Variants in EPB41 observed in about 807,000 individuals in gnomAD.
EPB41 encodes the protein protein 4.1.
In EPB41, 65 loss-of-function variants were observed where a neutral mutation model predicts 108.0. The ratio of observed to expected loss-of-function variants is 0.60; its 90% CI spans 0.49 to 0.74. The LOEUF (loss-of-function observed/expected upper bound fraction) is 0.74, where lower values mean the gene tolerates loss of function less well. Among genes scored for constraint, EPB41 ranks in the 30% least tolerant of loss-of-function variants. EPB41 has a pLI of 0.00. For synonymous variants in EPB41, 336 were observed against 358.9 expected (o/e 0.94, Z 0.72); for missense variants, 875 against 1,037.0 (o/e 0.84, Z 2.15).
At chr1:28,997,796 G>A (rs1486540503) in intron 4 of EPB41, among the ~76,000 whole-genome samples, 1 of 151,984 alleles carries the variant, frequency 6.6e-6, no homozygotes, top group African/African-American at 2.4e-5. Flanking sequence ...TATTGAAACG[G>A]TCATAACGAT....
upstream of EPB41, chr1:28,887,169 G>A (rs1355948043): frequency 8.5e-7 from 1 of 1,172,852 alleles, no homozygotes; most frequent in Non-Finnish European, 1.1e-6. This position sits in a 1 kb window ranked among gnomAD's most constrained non-coding sequence, Gnocchi z 4.9. Flanking sequence ...GCGGCGCGGA[G>A]CCAGAACGCG....
At chr1:28,930,889 A>G (rs1416443734) in intron 1 of EPB41, among the ~76,000 whole-genome samples, 1 of 152,210 alleles carries the variant, frequency 6.6e-6, no homozygotes, top group Non-Finnish European at 1.5e-5. Flanking sequence ...CTTGTGATAA[A>G]TAATACCCAA....
At chr1:28,919,231 A>G (rs149903015) in intron 1 of EPB41, among the ~76,000 whole-genome samples, 25 of 152,336 alleles carry the variant, frequency 1.6e-4, no homozygotes, top group Admixed American at 1.4e-3. Flanking sequence ...ATTGAATTGT[A>G]TCCACTTAAA....
chr1:29,030,603 T>C (rs2096776141), intron 8 of EPB41, 116 bp downstream of exon 8: 1 of 831,480 alleles, frequency 1.2e-6, no homozygotes, highest in East Asian at 2.5e-5. Flanking sequence ...ATCTGGGGTA[T>C]TTTAAAACAT....
At chr1:29,055,332 A>G (rs929108655) in intron 12 of EPB41, among the ~76,000 whole-genome samples, 1 of 152,170 alleles carries the variant, frequency 6.6e-6, no homozygotes, top group Admixed American at 6.5e-5. Flanking sequence ...TGTCAGGGGA[A>G]TCTTCCTAGT....
chr1:28,932,503 T>C (rs1247088517), intron 1 of EPB41, among the ~76,000 whole-genome samples: 1 of 150,722 alleles, frequency 6.6e-6, no homozygotes, highest in Non-Finnish European at 1.5e-5. Flanking sequence ...TCCTACCTCC[T>C]TTAAAAAAAA....
At chr1:28,916,185 G>A (rs1276211891) in intron 1 of EPB41, among the ~76,000 whole-genome samples, 1 of 152,126 alleles carries the variant, frequency 6.6e-6, no homozygotes, top group Non-Finnish European at 1.5e-5. Flanking sequence ...TCAATAAATG[G>A]CAGATTCAAA....
intron 1 of EPB41, among the ~76,000 whole-genome samples, chr1:28,924,121 T>C (rs149407451): frequency 4.6e-5 from 7 of 152,378 alleles, no homozygotes; most frequent in Non-Finnish European, 1.0e-4. Flanking sequence ...AAACGAGGTC[T>C]GTCAGTAAAC....
chr1:29,087,568 G>T (rs186369664), intron 16 of EPB41, among the ~76,000 whole-genome samples: 4 of 151,150 alleles, frequency 2.6e-5, no homozygotes, highest in African/African-American at 7.3e-5. Context: ...CTCCATGTTG[G>T]TCAGGCTGGT....
chr1:28,948,864 G>A (rs896449917), intron 1 of EPB41, among the ~76,000 whole-genome samples: 2 of 152,070 alleles, frequency 1.3e-5, no homozygotes, highest in African/African-American at 4.8e-5. Context: ...CAGAAGAATC[G>A]CTTGAACCCA....
At position 29,099,989 on chromosome 1, in the gene EPB41, A is replaced by G. The variant is rs1664693134; in HGVS notation, c.2313+2054A>G. Among the ~76,000 whole-genome samples the G allele has an allele frequency of 3.3e-5, 5 of 152,348 alleles. No homozygotes were observed. The South Asian group carries it at 1.0e-3, about 32-fold the overall frequency. On this transcript the variant is annotated intron_variant, in intron 17 of 20. Coordinates refer to ENST00000343067, the MANE Select transcript of EPB41 (RefSeq NM_001376013.1). ...CATGAAAGATTGCTGCTTTGAGACT[A>G]GGATAATCAGGGAATTCCTCTCTGA... is the stretch of plus-strand genomic sequence containing the variant.
intron 14 of EPB41, 98 bp downstream of exon 14, chr1:29,058,950 T>A: frequency 8.8e-7 from 1 of 1,136,048 alleles, no homozygotes; most frequent in Non-Finnish European, 1.3e-6. Flanking sequence ...TTCATTGATT[T>A]CTTTTAATCA....
At chr1:29,074,789 G>A (rs1372276475) in intron 16 of EPB41, among the ~76,000 whole-genome samples, 4 of 152,324 alleles carry the variant, frequency 2.6e-5, no homozygotes, top group African/African-American at 9.6e-5. Flanking sequence ...CAGGCTAAAA[G>A]CCAAATAACT....
intron 7 of EPB41, among the ~76,000 whole-genome samples, chr1:29,027,040 C>T (rs2096727596): frequency 6.7e-6 from 1 of 149,594 alleles, no homozygotes; most frequent in Non-Finnish European, 1.5e-5. Context: ...TGCAGTTAGC[C>T]GAGATCATAC....
At chr1:29,010,296 A>C (rs978875327) in intron 4 of EPB41, among the ~76,000 whole-genome samples, 2 of 152,194 alleles carry the variant, frequency 1.3e-5, no homozygotes, top group South Asian at 4.1e-4. Flanking sequence ...CCAAGATTGC[A>C]TCACTAAACT....
intron 1 of EPB41, among the ~76,000 whole-genome samples, chr1:28,891,218 C>T (rs1015624906): frequency 2.0e-5 from 3 of 152,218 alleles, no homozygotes; most frequent in African/African-American, 7.2e-5. Flanking sequence ...TCCTTGACCC[C>T]TGGGTTAGTG....
chr1:29,032,092 T>C (rs1478424637), intron 8 of EPB41, among the ~76,000 whole-genome samples: 6 of 141,926 alleles, frequency 4.2e-5, no homozygotes, highest in African/African-American at 1.4e-4. Flanking sequence ...GTTGAGACTC[T>C]GTCTTAAAAA....
At chr1:29,105,563 T>G (rs1016750677) in intron 17 of EPB41, among the ~76,000 whole-genome samples, 2 of 152,158 alleles carry the variant, frequency 1.3e-5, no homozygotes, top group Non-Finnish European at 2.9e-5. Context: ...CTGAATATAA[T>G]ATTTTTTAGA....
chr1:29,057,373 C>CAAAAAAAAAAAAAAAA (rs72047998), intron 12 of EPB41, among the ~76,000 whole-genome samples: 1 of 65,294 alleles, frequency 1.5e-5, no homozygotes, highest in Non-Finnish European at 2.9e-5. Context: ...GACTCTGTCT[C>CAAAAAAAAAAAAAAAA]AAAAAAAAAA....
Sources: gnomAD v4.1 joint callset for allele counts (sites outside exome capture counted in the v4.1 genomes callset) on GRCh38, gnomAD v4.1.1 for gene constraint, Gnocchi (gnomAD v3.1) non-coding constraint, MANE v1.5 for transcripts, NCBI Gene and HGNC (gene_info 2026-07-23, HGNC 2026-07-21) for gene names.